QKI: variants seen among roughly 807,000 people sequenced by gnomAD.
QKI encodes KH domain-containing RNA-binding protein QKI.
QKI carries 10 observed loss-of-function variants against 39.0 expected under a neutral mutation model. That is an observed-to-expected ratio of 0.26 (90% CI 0.16 to 0.43). The LOEUF (loss-of-function observed/expected upper bound fraction) is 0.43, where lower values mean the gene tolerates loss of function less well. QKI is among the 20% of genes least tolerant of loss of function. The pLI is 1.00. For missense variants in QKI, 218 were observed against 428.0 expected (o/e 0.51, Z 4.33); for synonymous variants, 204 against 155.4 (o/e 1.31, Z -2.33).
At chr6:163,444,534 CA>C (rs1473569628) in intron 1 of QKI, among the ~76,000 whole-genome samples, 2 of 109,448 alleles carry the variant, frequency 1.8e-5, no homozygotes, top group African/African-American at 3.4e-5. Flanking sequence ...TCTTTTAAAG[CA>C]GTATATTAAA....
chr6:163,529,093 G>T (rs966103986), intron 3 of QKI, among the ~76,000 whole-genome samples: 1 of 152,124 alleles, frequency 6.6e-6, no homozygotes, highest in East Asian at 1.9e-4. Flanking sequence ...GACCTCATAA[G>T]AGTTATTGTA....
intron 3 of QKI, among the ~76,000 whole-genome samples, chr6:163,515,601 C>T (rs964489771): frequency 3.3e-5 from 5 of 151,956 alleles, no homozygotes; most frequent in African/African-American, 7.3e-5. Context: ...GATACTATAA[C>T]GTTCAAAAGA....
At chr6:163,541,496 C>CA (rs1781514422) in intron 4 of QKI, among the ~76,000 whole-genome samples, 1 of 69,790 alleles carries the variant, frequency 1.4e-5, no homozygotes, top group African/African-American at 5.1e-5. Flanking sequence ...CCTATGTCTA[C>CA]CCTTTTTTTT....
At chr6:163,506,956 G>A (rs1034186387) in intron 3 of QKI, among the ~76,000 whole-genome samples, 1 of 152,044 alleles carries the variant, frequency 6.6e-6, no homozygotes, top group African/African-American at 2.4e-5. Flanking sequence ...TAATCCTGTG[G>A]CCACAAGCAC....
intron 4 of QKI, among the ~76,000 whole-genome samples, chr6:163,550,493 G>T (rs1344647790): frequency 1.3e-5 from 2 of 152,122 alleles, no homozygotes; most frequent in Non-Finnish European, 2.9e-5. Context: ...GATTTGGGGG[G>T]AAGCTATGTG....
intron 2 of QKI, among the ~76,000 whole-genome samples, chr6:163,474,394 G>A (rs1221506173): frequency 6.6e-6 from 1 of 152,074 alleles, no homozygotes; most frequent in Non-Finnish European, 1.5e-5. Flanking sequence ...ATTTCCAGGT[G>A]ATGTGATTGT....
intron 3 of QKI, among the ~76,000 whole-genome samples, chr6:163,524,941 C>T (rs1020178530): frequency 2.0e-5 from 3 of 152,108 alleles, no homozygotes; most frequent in African/African-American, 7.2e-5. Flanking sequence ...ATCTTTATGT[C>T]TCTTTTGTAG....
At position 163,578,243 on chromosome 6, in the gene QKI, G is replaced by A. The variant is rs1334973421; in HGVS notation, c.*7533G>A. 1 of 152,094 alleles carries A rather than the reference G, an allele frequency of 6.6e-6. No individual in the cohort carries two copies. The highest frequency in any genetic ancestry group is 1.5e-5 in the Non-Finnish European group (1 of 68,008). The allele number at this position is 152,094 out of a possible 1,614,324, so 9.4% of individuals were successfully genotyped here. On this transcript the variant is annotated 3_prime_UTR_variant, in exon 8 of 8. Transcript: ENST00000361752. ...GATATTAATATAAAGGTTATTACAAGAAAAATGATGAAGAGCAAAAGGAGA... is the reference window on the plus strand; with the variant it reads ...GATATTAATATAAAGGTTATTACAAAAAAAATGATGAAGAGCAAAAGGAGA...
intron 1 of QKI, among the ~76,000 whole-genome samples, chr6:163,425,996 T>G (rs1788372855): frequency 6.6e-6 from 1 of 152,262 alleles, no homozygotes; most frequent in African/African-American, 2.4e-5. Flanking sequence ...AAATGAGAGA[T>G]ATCTTGACAT....
intron 1 of QKI, among the ~76,000 whole-genome samples, chr6:163,450,796 A>G (rs971149055): frequency 1.3e-5 from 2 of 152,202 alleles, no homozygotes; most frequent in Non-Finnish European, 2.9e-5. Flanking sequence ...AAATGCTGTA[A>G]AGGCAAATAC....
rs1310657880 is a variant in QKI at position 163,474,920 on chromosome 6, G to A, written c.286-3860G>A. On this transcript the variant is annotated intron_variant, in intron 2 of 7. Transcript: ENST00000361752. The stretch of plus-strand genomic sequence containing the variant: ...TAGCCTAAACAAAAATAAACTTGAC[G>A]TTATTGAGAGAGATGAGAGATAACT... Among the ~76,000 whole-genome samples, 3 of 151,600 alleles carry A rather than the reference G, an allele frequency of 2.0e-5. 1 individual carries two copies. The highest frequency in any genetic ancestry group is 4.2e-4 in the South Asian group (2 of 4,816).
At chr6:163,456,451 A>G (rs1365279053) in intron 2 of QKI, among the ~76,000 whole-genome samples, 1 of 152,172 alleles carries the variant, frequency 6.6e-6, no homozygotes, top group African/African-American at 2.4e-5. Flanking sequence ...GCTTTTTGCT[A>G]AGTTTCAGAG....
rs1418349990 is a variant in QKI, at chr6:163,569,421, C to CGAG, written c.1010-1273_1010-1272insGAG. The CGAG allele has an allele frequency of 2.4e-6, 3 of 1,268,518 alleles. 1 individual carries two copies. In the Admixed American group the frequency reaches 7.5e-5, roughly 32 times the overall value. 78.6% of individuals were successfully genotyped at this position (1,268,518 alleles called of 1,614,324 possible). A position where few individuals can be genotyped will look rare whatever the true frequency, so the allele number is the denominator to read the frequency against. On this transcript the variant is annotated intron_variant, in intron 7 of 7. Coordinates refer to ENST00000361752, the MANE Select transcript of QKI (RefSeq NM_006775.3). The stretch of plus-strand genomic sequence containing the variant: ...TTTGCACTGAATATCTTTTCATTCA[C>CGAG]ATCTCCTCTGCCTTAGTCACAATGG...
intron 6 of QKI, chr6:163,564,625 G>T (rs764784956): frequency 6.2e-7 from 1 of 1,613,514 alleles, no homozygotes; most frequent in East Asian, 2.2e-5. Context: ...AACAAAAAGT[G>T]GTGTGCTCGA....
At chr6:163,451,269 T>A (rs1312316280) in intron 1 of QKI, among the ~76,000 whole-genome samples, 4 of 152,172 alleles carry the variant, frequency 2.6e-5, no homozygotes, top group Admixed American at 2.6e-4. Context: ...TCTTAAACAG[T>A]GATTATGGAT....
At position 163,577,164 on chromosome 6, in the gene QKI, A is replaced by C. The variant is rs1309736118; in HGVS notation, c.*6454A>C. 1.3e-5 allele frequency: 2 copies of C among 152,044 alleles called. No individual in the cohort carries two copies. Among genetic ancestry groups the C allele is most frequent in the Non-Finnish European group, 2.9e-5 (2 of 68,004 alleles). The allele number at this position is 152,044 out of a possible 1,614,324, so 9.4% of individuals were successfully genotyped here. On this transcript the variant is annotated 3_prime_UTR_variant, in exon 8 of 8. Transcript: ENST00000361752. Reference sequence around the variant, plus strand: ...TAAATGTTATGACTCCTTGTACCTTAAGTTTTCCAGTCTTTCTTATTTATA... The same window carrying C: ...TAAATGTTATGACTCCTTGTACCTTCAGTTTTCCAGTCTTTCTTATTTATA...
chr6:163,447,255 T>C (rs1790227930), intron 1 of QKI, among the ~76,000 whole-genome samples: 1 of 150,322 alleles, frequency 6.7e-6, no homozygotes, highest in East Asian at 1.9e-4. Context: ...CGTGATTTTT[T>C]TTTTTTTTTT....
At chr6:163,501,137 G>T (rs1778731146) in intron 3 of QKI, among the ~76,000 whole-genome samples, 1 of 151,986 alleles carries the variant, frequency 6.6e-6, no homozygotes, top group Non-Finnish European at 1.5e-5. Flanking sequence ...AAAGTTTTAT[G>T]GCAAGCTGTG....
chr6:163,438,984 T>A (rs1360915246), intron 1 of QKI, among the ~76,000 whole-genome samples: 1 of 152,192 alleles, frequency 6.6e-6, no homozygotes, highest in East Asian at 1.9e-4. Flanking sequence ...TATAAGCTCT[T>A]TTCTGTTTTC....
Sources: allele counts gnomAD v4.1 joint callset (sites outside exome capture counted in the v4.1 genomes callset), GRCh38; gene constraint gnomAD v4.1.1; transcripts MANE v1.5; gene names NCBI Gene and HGNC (gene_info 2026-07-23, HGNC 2026-07-21).